XXYLT1: variants seen among roughly 807,000 people sequenced by gnomAD.
The protein encoded by XXYLT1 is UDP-xylose:alpha-xyloside alpha-1,3-xylosyltransferase.
In XXYLT1, 20 loss-of-function variants were observed where a neutral mutation model predicts 28.9. The ratio of observed to expected loss-of-function variants is 0.69; its 90% CI spans 0.49 to 1.00. XXYLT1 has a LOEUF of 1.00. XXYLT1 is among the 50% of genes least tolerant of loss of function. XXYLT1 has a pLI of 0.00. For missense variants in XXYLT1, 542 were observed against 560.1 expected (o/e 0.97, Z 0.33); for synonymous variants, 257 against 253.8 (o/e 1.01, Z -0.12).
At chr3:195,181,296 TGCGG>T (rs1721942677) in intron 2 of XXYLT1, among the ~76,000 whole-genome samples, 1 of 152,180 alleles carries the variant, frequency 6.6e-6, no homozygotes, top group Non-Finnish European at 1.5e-5. Context: ...GCTGCGGGGC[TGCGG>T]GGCTGCGGAG....
At chr3:195,105,649 A>G (rs1328999429) in intron 3 of XXYLT1, among the ~76,000 whole-genome samples, 1 of 152,242 alleles carries the variant, frequency 6.6e-6, no homozygotes, top group East Asian at 1.9e-4. Context: ...GCTGCAGCCA[A>G]GTCTGCGCCT....
chr3:195,244,637 C>T (rs1560171909), intron 1 of XXYLT1, among the ~76,000 whole-genome samples: 1 of 150,358 alleles, frequency 6.7e-6, no homozygotes, highest in Non-Finnish European at 1.5e-5. Flanking sequence ...TGGAGGGCGC[C>T]TGTAATCCCA....
intron 3 of XXYLT1, among the ~76,000 whole-genome samples, chr3:195,084,284 A>T (rs1429770019): frequency 6.6e-6 from 1 of 152,088 alleles, no homozygotes; most frequent in Non-Finnish European, 1.5e-5. Context: ...GTGGGTGAGG[A>T]TGGGAAGATG....
At chr3:195,220,463 C>T (rs1213642640) in intron 2 of XXYLT1, among the ~76,000 whole-genome samples, 3 of 152,144 alleles carry the variant, frequency 2.0e-5, no homozygotes, top group Admixed American at 6.5e-5. Flanking sequence ...CTCTTAACCA[C>T]GACACCATAG....
intron 2 of XXYLT1, among the ~76,000 whole-genome samples, chr3:195,165,469 G>A (rs1721073118): frequency 6.6e-6 from 1 of 152,266 alleles, no homozygotes; most frequent in South Asian, 2.1e-4. Flanking sequence ...GAGGGGTGTG[G>A]AAAGAATGGC....
At chr3:195,252,125 A>G (rs548474255) in intron 1 of XXYLT1, among the ~76,000 whole-genome samples, 41 of 152,396 alleles carry the variant, frequency 2.7e-4, no homozygotes, top group African/African-American at 9.1e-4. Context: ...TCAAATGGAT[A>G]TATGAGACTG....
intron 2 of XXYLT1, among the ~76,000 whole-genome samples, chr3:195,214,023 C>A (rs1284485908): frequency 6.6e-6 from 1 of 152,216 alleles, no homozygotes; most frequent in East Asian, 1.9e-4. Context: ...TTACCTGCAT[C>A]ACTGGGGTGG....
At chr3:195,080,657 A>G (rs904210043) in intron 3 of XXYLT1, among the ~76,000 whole-genome samples, 9 of 152,186 alleles carry the variant, frequency 5.9e-5, no homozygotes, top group African/African-American at 2.2e-4. Flanking sequence ...GTCACAGGAG[A>G]GAGTGCCAGG....
At chr3:195,244,779 A>C (rs867583043) in intron 1 of XXYLT1, among the ~76,000 whole-genome samples, 9 of 150,830 alleles carry the variant, frequency 6.0e-5, no homozygotes, top group Middle Eastern at 3.4e-3. Flanking sequence ...AAAAAAAAAA[A>C]AAAAACATGT....
chr3:195,191,135 A>G (rs1722401866), intron 2 of XXYLT1, among the ~76,000 whole-genome samples: 1 of 152,214 alleles, frequency 6.6e-6, no homozygotes, highest in Non-Finnish European at 1.5e-5. Context: ...TACTTAAACT[A>G]CAGTTGACCC....
intron 1 of XXYLT1, among the ~76,000 whole-genome samples, chr3:195,267,543 C>T (rs1246169376): frequency 6.6e-6 from 1 of 152,178 alleles, no homozygotes; most frequent in Non-Finnish European, 1.5e-5. Flanking sequence ...CGAGTCAATA[C>T]TGAAAAAACA....
At chr3:195,223,095 T>C (rs919105253) in intron 2 of XXYLT1, among the ~76,000 whole-genome samples, 3 of 150,142 alleles carry the variant, frequency 2.0e-5, no homozygotes, top group Non-Finnish European at 3.0e-5. Flanking sequence ...TAGCCGGACA[T>C]GGTGGCGGGT....
At chr3:195,082,842 A>G (rs1309861301) in intron 3 of XXYLT1, among the ~76,000 whole-genome samples, 1 of 152,028 alleles carries the variant, frequency 6.6e-6, no homozygotes, top group Non-Finnish European at 1.5e-5. Flanking sequence ...CAAAAAAAAA[A>G]AGAAGGACCT....
chr3:195,069,103 T>G lies in XXYLT1; in HGVS notation c.*612A>C, dbSNP rs563994166. 6.6e-6 allele frequency: 1 copy of G among 152,570 alleles called. No homozygotes were observed. Among genetic ancestry groups the G allele is most frequent in the South Asian group, 2.1e-4 (1 of 4,840 alleles). The allele number at this position is 152,570 out of a possible 1,614,324, so 9.5% of individuals were successfully genotyped here. ...ATAAGTTTTCTTATGCAGGCCCCAGTTGGTCCTGAAGTCCTTCCTCAAAGA... is the reference window on the plus strand; with the variant it reads ...ATAAGTTTTCTTATGCAGGCCCCAGGTGGTCCTGAAGTCCTTCCTCAAAGA... On this transcript the variant is annotated 3_prime_UTR_variant, in exon 4 of 4. Coordinates refer to ENST00000310380, the MANE Select transcript of XXYLT1 (RefSeq NM_152531.5).
chr3:195,140,091 A>C (rs1411530530), intron 3 of XXYLT1, among the ~76,000 whole-genome samples: 1 of 152,164 alleles, frequency 6.6e-6, no homozygotes, highest in Non-Finnish European at 1.5e-5. Flanking sequence ...TGAGATTCTG[A>C]CTTGTAGCTA....
rs1333424938 is a variant in XXYLT1 at position 195,078,546 on chromosome 3, AT to A, written c.786-8436del. 6.6e-6 allele frequency among the ~76,000 whole-genome samples: 1 copy of A among 151,784 alleles called. No homozygotes were observed. On this transcript the variant is annotated intron_variant, in intron 3 of 3. Transcript: ENST00000310380. The surrounding 1 kb of genome is among the most constrained non-coding windows in gnomAD (Gnocchi z 5.0). ...TCCAGCCTACCTCCCCCTCTTCCTC[AT>A]CCCCATCCAAGCTGGGCCTTCTCCC...
chr3:195,081,296 C>A (rs1456765453), intron 3 of XXYLT1, among the ~76,000 whole-genome samples: 4 of 152,054 alleles, frequency 2.6e-5, no homozygotes, highest in Non-Finnish European at 4.4e-5. Context: ...AATGGCCATA[C>A]AACAGGTGGC....
intron 3 of XXYLT1, among the ~76,000 whole-genome samples, chr3:195,109,104 C>T (rs1370652801): frequency 6.6e-6 from 1 of 152,184 alleles, no homozygotes; most frequent in African/African-American, 2.4e-5. Flanking sequence ...CTGTTAATCA[C>T]CCAGTCCCAC....
At chr3:195,196,996 C>T (rs1480257577) in intron 2 of XXYLT1, among the ~76,000 whole-genome samples, 1 of 152,182 alleles carries the variant, frequency 6.6e-6, no homozygotes, top group South Asian at 2.1e-4. Context: ...GCATAACCAC[C>T]CTGGATAGGA....
Sources: allele counts gnomAD v4.1 joint callset (sites outside exome capture counted in the v4.1 genomes callset), GRCh38; gene constraint gnomAD v4.1.1; non-coding constraint Gnocchi (gnomAD v3.1); transcripts MANE v1.5; gene names NCBI Gene and HGNC (gene_info 2026-07-23, HGNC 2026-07-21).